The following FMN2 variants were observed in gnomAD, a reference collection of about 807,000 sequenced individuals.
The protein encoded by FMN2 is formin-2.
Under a neutral mutation model 142.3 loss-of-function variants are expected in FMN2, and 51 were observed. That is an observed-to-expected ratio of 0.36 (90% CI 0.29 to 0.45). The LOEUF (loss-of-function observed/expected upper bound fraction) is 0.45. FMN2 is among the 20% of genes least tolerant of loss of function. FMN2 has a pLI of 1.00. For synonymous variants in FMN2, 882 were observed against 869.8 expected (o/e 1.01, Z -0.25); for missense variants, 1,936 against 2,122.8 (o/e 0.91, Z 1.73).
intron 3 of FMN2, among the ~76,000 whole-genome samples, chr1:240,181,496 T>G (rs1161431802): frequency 6.6e-6 from 1 of 152,214 alleles, no homozygotes; most frequent in East Asian, 1.9e-4. Context: ...GAACTGACCC[T>G]TCTTTGTATG....
At chr1:240,321,866 A>G (rs895784806) in intron 8 of FMN2, among the ~76,000 whole-genome samples, 2 of 152,222 alleles carry the variant, frequency 1.3e-5, no homozygotes, top group Non-Finnish European at 2.9e-5. Flanking sequence ...GATAATTTTG[A>G]TTGAATGAAT....
intron 14 of FMN2, among the ~76,000 whole-genome samples, chr1:240,367,844 G>T (rs1672735020): frequency 6.8e-6 from 1 of 146,138 alleles, no homozygotes; most frequent in South Asian, 2.2e-4. Flanking sequence ...ATTTTCCCAA[G>T]AAAATTTTAT....
chr1:240,452,643 G>T (rs940461391), intron 16 of FMN2, among the ~76,000 whole-genome samples: 1 of 151,990 alleles, frequency 6.6e-6, no homozygotes, highest in South Asian at 2.1e-4. Context: ...GTGTTCAGGG[G>T]AAGTAAATAA....
At chr1:240,173,613 T>C (rs537340291) in intron 2 of FMN2, among the ~76,000 whole-genome samples, 92 of 152,148 alleles carry the variant, frequency 6.0e-4, no homozygotes, top group African/African-American at 2.1e-3. Flanking sequence ...GGAAGGAAGA[T>C]GGTGGGAATA....
chr1:240,238,250 C>T (rs1667774060), intron 6 of FMN2, among the ~76,000 whole-genome samples: 1 of 152,266 alleles, frequency 6.6e-6, no homozygotes, highest in East Asian at 1.9e-4. Context: ...ATTCGAGGAA[C>T]ATTTAGGAGT....
At chr1:240,288,986 G>A (rs983147017) in intron 7 of FMN2, among the ~76,000 whole-genome samples, 3 of 152,186 alleles carry the variant, frequency 2.0e-5, no homozygotes, top group African/African-American at 7.2e-5. Context: ...AAGGCCCCTA[G>A]CTGAGCTGCA....
At chr1:240,203,126 G>A (rs1325912250) in intron 4 of FMN2, among the ~76,000 whole-genome samples, 1 of 152,148 alleles carries the variant, frequency 6.6e-6, no homozygotes, top group Non-Finnish European at 1.5e-5. Context: ...ATAAATTTGG[G>A]TGCTGGTTTT....
At chr1:240,209,920 GTAAA>G (rs551517577) in intron 5 of FMN2, among the ~76,000 whole-genome samples, 3 of 151,412 alleles carry the variant, frequency 2.0e-5, no homozygotes, top group South Asian at 2.1e-4. Flanking sequence ...AAGTAAGTAA[GTAAA>G]TAAATAAATA....
Position 240,474,705 on chromosome 1 carries a change from G to T in FMN2, c.*551G>T, listed in dbSNP as rs1676917263. The T allele has an allele frequency of 7.1e-6, 1 of 141,090 alleles. No individual in the cohort carries two copies. 8.7% of individuals were successfully genotyped at this position (141,090 alleles called of 1,614,324 possible). A position where few individuals can be genotyped will look rare whatever the true frequency, so the allele number is the denominator to read the frequency against. Reference sequence around the variant, plus strand: ...TCTCCATAACTATGTATTTGTGAAAGAAAATGGTCATTTTTTTTACTGAAG... The same window carrying T: ...TCTCCATAACTATGTATTTGTGAAATAAAATGGTCATTTTTTTTACTGAAG... On this transcript the variant is annotated 3_prime_UTR_variant, in exon 18 of 18. Coordinates refer to ENST00000319653, the MANE Select transcript of FMN2 (RefSeq NM_020066.5).
At chr1:240,164,830 T>C in intron 2 of FMN2, among the ~76,000 whole-genome samples, 1 of 152,208 alleles carries the variant, frequency 6.6e-6, no homozygotes, top group East Asian at 1.9e-4. Flanking sequence ...AGTAGTTTGA[T>C]ACTTTCTTTC....
intron 2 of FMN2, among the ~76,000 whole-genome samples, chr1:240,140,988 C>A (rs1663156552): frequency 6.6e-6 from 1 of 152,170 alleles, no homozygotes; most frequent in South Asian, 2.1e-4. Flanking sequence ...TCCTGCTGTT[C>A]AGGGCAGTTT....
At chr1:240,313,681 A>G (rs900141138) in intron 8 of FMN2, among the ~76,000 whole-genome samples, 1 of 152,138 alleles carries the variant, frequency 6.6e-6, no homozygotes, top group African/African-American at 2.4e-5. Flanking sequence ...AAAATAGTGT[A>G]TACTGCCCGG....
At chr1:240,389,540 T>C (rs1459255910) in intron 14 of FMN2, among the ~76,000 whole-genome samples, 3 of 152,182 alleles carry the variant, frequency 2.0e-5, no homozygotes, top group Non-Finnish European at 4.4e-5. Context: ...TTATTCCAAA[T>C]GATATCTTAA....
chr1:240,159,937 GTATATA>G (rs35292759), intron 2 of FMN2, among the ~76,000 whole-genome samples: 34 of 71,308 alleles, frequency 4.8e-4, no homozygotes, highest in Non-Finnish European at 9.0e-4. Context: ...ATATATTTGT[GTATATA>G]TATATATCTA....
chr1:240,093,319 A>G lies in FMN2; in HGVS notation c.1210A>G (p.Ser404Gly). Residue 404 changes from serine to glycine, a missense_variant, in exon 1 of 18, where the codon AGC becomes GGC. This residue lies in a region of FMN2 where 751 missense variants were observed against 791.8 expected (regional missense o/e 0.95). Coordinates refer to ENST00000319653, the MANE Select transcript of FMN2 (RefSeq NM_020066.5). ...TTCCCTGCCCGGCAGCCCCGCGCCT[A>G]GCCAGCGCTGTTTCAAGCCCTACCC... ...AASLPGSPAP[S>G]QRCFKPYPLI... The G allele has an allele frequency of 6.2e-7, 1 of 1,610,854 alleles. No individual in the cohort carries two copies. The highest frequency in any genetic ancestry group is 8.5e-7 in the Non-Finnish European group (1 of 1,178,822).
At chr1:240,128,298 C>A (rs1295932084) in intron 2 of FMN2, among the ~76,000 whole-genome samples, 1 of 152,122 alleles carries the variant, frequency 6.6e-6, no homozygotes, top group African/African-American at 2.4e-5. Flanking sequence ...TATTTTCCAG[C>A]CAACCACACT....
At chr1:240,250,660 G>C (rs80151512) in intron 6 of FMN2, among the ~76,000 whole-genome samples, 27,229 of 151,886 alleles carry the variant, frequency 0.18, 3,654 homozygotes, top group East Asian at 0.52. Context: ...AGAGTTTGAG[G>C]AAAATTAGTG....
intron 15 of FMN2, among the ~76,000 whole-genome samples, chr1:240,427,723 A>C (rs1289625291): frequency 6.6e-6 from 1 of 152,146 alleles, no homozygotes; most frequent in Non-Finnish European, 1.5e-5. Context: ...GTAGTTTCAC[A>C]CGATCCTCTG....
At chr1:240,440,968 A>T (rs1000063823) in intron 16 of FMN2, among the ~76,000 whole-genome samples, 1 of 150,858 alleles carries the variant, frequency 6.6e-6, no homozygotes, top group African/African-American at 2.4e-5. Flanking sequence ...GCCCAAATGC[A>T]CACCTATGCC....
Sources: gnomAD v4.1 joint callset for allele counts (sites outside exome capture counted in the v4.1 genomes callset) on GRCh38, gnomAD v4.1.1 for gene constraint, gnomAD v4.1.1 regional missense constraint, MANE v1.5 for transcripts, NCBI Gene and HGNC (gene_info 2026-07-23, HGNC 2026-07-21) for gene names.